Variants in TBL1X observed in about 807,000 individuals in gnomAD.
TBL1X encodes F-box-like/WD repeat-containing protein TBL1X.
In TBL1X, 10 loss-of-function variants were observed where a neutral mutation model predicts 50.7. The ratio of observed to expected loss-of-function variants is 0.20; its 90% CI spans 0.12 to 0.33. The LOEUF (loss-of-function observed/expected upper bound fraction) is 0.33. Among genes scored for constraint, TBL1X ranks in the 10% least tolerant of loss-of-function variants. TBL1X has a pLI of 1.00. For synonymous variants in TBL1X, 190 were observed against 214.7 expected, an observed-to-expected ratio of 0.88 and a Z score of 1.01; for missense variants, 340 against 504.4, an observed-to-expected ratio of 0.67 and a Z score of 3.12.
intron 2 of TBL1X, among the ~76,000 whole-genome samples, chrX:9,631,529 G>C (rs1472817448): frequency 8.9e-6 from 1 of 112,019 alleles, no homozygotes; most frequent in Non-Finnish European, 1.9e-5. Flanking sequence ...TGTTGCTCTA[G>C]TGTTGACAAT....
chrX:9,631,107 G>A (rs373820335), intron 2 of TBL1X, among the ~76,000 whole-genome samples: 3 of 111,055 alleles, frequency 2.7e-5, no homozygotes, highest in Non-Finnish European at 3.8e-5. Flanking sequence ...TCACAATCTC[G>A]GCCTCTTATT....
intron 2 of TBL1X, among the ~76,000 whole-genome samples, chrX:9,581,407 A>C (rs921785746): frequency 3.2e-4 from 36 of 111,820 alleles, no homozygotes; most frequent in Non-Finnish European, 5.1e-4. Context: ...AGAATAGCCC[A>C]CAGTTCAGGC....
intron 11 of TBL1X, among the ~76,000 whole-genome samples, chrX:9,694,959 CAAATAAATAAAT>C (rs58923242): frequency 1.1e-4 from 11 of 100,233 alleles, no homozygotes; most frequent in Non-Finnish European, 1.8e-4. Flanking sequence ...AACTTCATCT[CAAATAAATAAAT>C]AAATAAATAA....
At chrX:9,587,498 T>C (rs1437730755) in intron 2 of TBL1X, among the ~76,000 whole-genome samples, 2 of 111,843 alleles carry the variant, frequency 1.8e-5, no homozygotes, top group African/African-American at 3.2e-5. Flanking sequence ...TCAGTTTCCA[T>C]TGATAAACTA....
In TBL1X at chrX:9,696,059, A is replaced by G. The variant is rs186008708; in HGVS notation, c.1054-1310A>G. On this transcript the variant is annotated intron_variant, in intron 11 of 17. Coordinates refer to ENST00000645353, the MANE Select transcript of TBL1X (RefSeq NM_005647.4). ...GGGATGCTGGTGTTGACCAACACAG[A>G]GTGACTAAAATATATGTCACATTCT... is the stretch of plus-strand genomic sequence containing the variant. 4.4e-5 allele frequency among the ~76,000 whole-genome samples: 5 copies of G among 112,615 alleles called. No homozygotes were observed. The East Asian group carries it at 1.4e-3, about 31-fold the overall frequency.
At chrX:9,538,660 T>C (rs947472408) in intron 2 of TBL1X, among the ~76,000 whole-genome samples, 1 of 112,530 alleles carries the variant, frequency 8.9e-6, no homozygotes, top group Non-Finnish European at 1.9e-5. Context: ...ATGCTTTTCT[T>C]GTACCGAAGG....
Position 9,684,887 on chromosome X carries a change from G to A in TBL1X, c.357+699G>A, listed in dbSNP as rs1011871588. Among the ~76,000 whole-genome samples, 3 of 112,251 alleles carry A rather than the reference G, an allele frequency of 2.7e-5. No homozygotes were observed. The Admixed American group carries it at 2.8e-4, about 11-fold the overall frequency. The stretch of plus-strand genomic sequence containing the variant: ...CTCTTCTTGATTTCTGGAGCAGGTT[G>A]GTTAGAGAGGGGCCCCACACATGGT... On this transcript the variant is annotated intron_variant, in intron 6 of 17. Coordinates refer to ENST00000645353, the MANE Select transcript of TBL1X (RefSeq NM_005647.4).
intron 16 of TBL1X, among the ~76,000 whole-genome samples, chrX:9,713,820 A>T (rs2083263202): frequency 9.1e-6 from 1 of 110,468 alleles, no homozygotes; most frequent in Non-Finnish European, 1.9e-5. Context: ...TACTGCCGAC[A>T]CACACCTTTC....
At chrX:9,640,612 T>C (rs932992329) in intron 3 of TBL1X, among the ~76,000 whole-genome samples, 3 of 109,346 alleles carry the variant, frequency 2.7e-5, no homozygotes, top group Non-Finnish European at 5.8e-5. Context: ...GGTTGTGTTT[T>C]TGTTTTGTTT....
At chrX:9,571,275 CA>C (rs2082385242) in intron 2 of TBL1X, among the ~76,000 whole-genome samples, 1 of 111,658 alleles carries the variant, frequency 9.0e-6, no homozygotes, top group African/African-American at 3.3e-5. Flanking sequence ...AGAGCTTGCA[CA>C]CTTCGACAAT....
intron 2 of TBL1X, among the ~76,000 whole-genome samples, chrX:9,589,550 T>C (rs974465437): frequency 9.0e-6 from 1 of 111,617 alleles, no homozygotes; most frequent in East Asian, 2.8e-4. Context: ...GTGATCTGCC[T>C]GGATGCCGGT....
chrX:9,530,668 C>G (rs1327749190), intron 2 of TBL1X, among the ~76,000 whole-genome samples: 1 of 112,350 alleles, frequency 8.9e-6, no homozygotes, highest in Non-Finnish European at 1.9e-5. Flanking sequence ...AGAAAATCCC[C>G]TTGACTTCTC....
At chrX:9,716,145 G>A in intron 17 of TBL1X, 75 bp from the exon 18 acceptor site, 2 of 1,122,743 alleles carry the variant, frequency 1.8e-6, no homozygotes, top group Non-Finnish European at 2.4e-6. Context: ...GGGGGCCGTA[G>A]CTTGCCGACT....
chrX:9,543,123 A>G (rs764340583), intron 2 of TBL1X, among the ~76,000 whole-genome samples: 6 of 112,392 alleles, frequency 5.3e-5, no homozygotes, highest in Non-Finnish European at 9.4e-5. Context: ...TGGCTTCCCC[A>G]TGGCTGCGGA....
chrX:9,577,698 G>A (rs1033893277), intron 2 of TBL1X, among the ~76,000 whole-genome samples: 9 of 111,942 alleles, frequency 8.0e-5, no homozygotes, highest in Admixed American at 6.6e-4. Context: ...CCGAAGACCA[G>A]CAGTCCTAAG....
intron 2 of TBL1X, among the ~76,000 whole-genome samples, chrX:9,543,986 C>T (rs886286320): frequency 9.0e-6 from 1 of 111,010 alleles, no homozygotes; most frequent in African/African-American, 3.3e-5. Context: ...AAACAAAAAA[C>T]AATCACAAAT....
chrX:9,481,902 C>G (rs1166883802), intron 1 of TBL1X, among the ~76,000 whole-genome samples: 1 of 112,278 alleles, frequency 8.9e-6, no homozygotes, highest in Non-Finnish European at 1.9e-5. Flanking sequence ...ATTGTTCTAG[C>G]TGACCTTATG....
chrX:9,469,220 A>T (rs2081797076), intron 1 of TBL1X, among the ~76,000 whole-genome samples: 1 of 111,683 alleles, frequency 9.0e-6, no homozygotes, highest in Non-Finnish European at 1.9e-5. Flanking sequence ...CCCAGGCTGG[A>T]GTGCAGTGGT....
intron 2 of TBL1X, among the ~76,000 whole-genome samples, chrX:9,625,461 T>G (rs1471039081): frequency 8.9e-6 from 1 of 111,951 alleles, no homozygotes; most frequent in Non-Finnish European, 1.9e-5. Context: ...ATTCTGGGAT[T>G]TAGCCGAGAA....
Sources: allele counts gnomAD v4.1 joint callset (sites outside exome capture counted in the v4.1 genomes callset), GRCh38; gene constraint gnomAD v4.1.1; transcripts MANE v1.5; gene names NCBI Gene and HGNC (gene_info 2026-07-23, HGNC 2026-07-21).